Variants in GULP1 observed in about 807,000 individuals in gnomAD.
GULP1 encodes PTB domain-containing engulfment adapter protein 1.
GULP1 carries 19 observed loss-of-function variants against 40.9 expected under a neutral mutation model. The observed-to-expected ratio is 0.46, with a 90% confidence interval of 0.32 to 0.68. GULP1 has a LOEUF of 0.68. Among genes scored for constraint, GULP1 ranks in the 30% least tolerant of loss-of-function variants. GULP1 has a pLI of 0.03. For missense variants in GULP1, 312 were observed against 362.2 expected (o/e 0.86, Z 1.12); for synonymous variants, 119 against 117.6 (o/e 1.01, Z -0.08).
At chr2:188,310,511 C>T (rs759453587) in intron 1 of GULP1, among the ~76,000 whole-genome samples, 1 of 152,056 alleles carries the variant, frequency 6.6e-6, no homozygotes, top group Non-Finnish European at 1.5e-5. Flanking sequence ...CAGTAAAATT[C>T]ACCAAGACAA....
chr2:188,521,622 A>G (rs1310137660), intron 4 of GULP1, among the ~76,000 whole-genome samples: 1 of 152,146 alleles, frequency 6.6e-6, no homozygotes. Flanking sequence ...ACTTACTATC[A>G]TGAGACCGGC....
intron 2 of GULP1, among the ~76,000 whole-genome samples, chr2:188,408,785 A>T (rs555922270): frequency 6.6e-6 from 1 of 152,358 alleles, no homozygotes; most frequent in African/African-American, 2.4e-5. Flanking sequence ...ACAAGTGATA[A>T]CAAATTTAAG....
intron 4 of GULP1, among the ~76,000 whole-genome samples, chr2:188,521,100 T>C (rs2065723999): frequency 6.6e-6 from 1 of 152,020 alleles, no homozygotes; most frequent in Non-Finnish European, 1.5e-5. Flanking sequence ...AATTCGTGAA[T>C]CTCTTTGGTC....
In GULP1 at chr2:188,506,752, G is replaced by A. The variant is rs143690522; in HGVS notation, c.91-16004G>A. On this transcript the variant is annotated intron_variant, in intron 4 of 11. Coordinates refer to ENST00000409830, the MANE Select transcript of GULP1 (RefSeq NM_016315.4). Reference sequence around the variant, plus strand: ...AAAGTTTGACCTTGTTATTCAGTAAGTAGTCAGTCCTTGAGGACAATAACA... The same window carrying A: ...AAAGTTTGACCTTGTTATTCAGTAAATAGTCAGTCCTTGAGGACAATAACA... Among the ~76,000 whole-genome samples the A allele has an allele frequency of 4.2e-3, 632 of 152,130 alleles. 5 individuals carry two copies. The highest frequency in any genetic ancestry group is 0.014 in the Middle Eastern group (4 of 294).
At chr2:188,418,071 C>T (rs1290621319) in intron 2 of GULP1, among the ~76,000 whole-genome samples, 1 of 151,894 alleles carries the variant, frequency 6.6e-6, no homozygotes, top group Non-Finnish European at 1.5e-5. Context: ...GCCTTGCCCT[C>T]CTATAGTTTT....
chr2:188,525,678 A>C (rs13012546), intron 5 of GULP1, among the ~76,000 whole-genome samples: 1 of 152,306 alleles, frequency 6.6e-6, no homozygotes, highest in South Asian at 2.1e-4. Context: ...CCTGGAACCC[A>C]GTTTTAGACT....
intron 4 of GULP1, among the ~76,000 whole-genome samples, chr2:188,516,557 C>G (rs745659159): frequency 6.6e-6 from 1 of 151,894 alleles, no homozygotes; most frequent in African/African-American, 2.4e-5. Context: ...GTGTTCTATC[C>G]TTTAGTTTTT....
intron 1 of GULP1, among the ~76,000 whole-genome samples, chr2:188,328,026 T>G (rs938378299): frequency 6.6e-6 from 1 of 152,054 alleles, no homozygotes; most frequent in African/African-American, 2.4e-5. Flanking sequence ...CATTTTGTAA[T>G]ATGTATGTGT....
intron 3 of GULP1, among the ~76,000 whole-genome samples, chr2:188,478,048 A>G (rs2061161019): frequency 6.6e-6 from 1 of 152,136 alleles, no homozygotes; most frequent in Non-Finnish European, 1.5e-5. Flanking sequence ...TTATGTAGCC[A>G]TATAATACTA....
chr2:188,388,407 A>G (rs530268790), intron 2 of GULP1, among the ~76,000 whole-genome samples: 82 of 149,686 alleles, frequency 5.5e-4, no homozygotes, highest in Non-Finnish European at 9.6e-4. Flanking sequence ...GCCAGACAGG[A>G]TGGTGTATAC....
chr2:188,332,009 CAG>C (rs1186652006), intron 1 of GULP1, among the ~76,000 whole-genome samples: 4 of 152,036 alleles, frequency 2.6e-5, no homozygotes, highest in Non-Finnish European at 5.9e-5. Flanking sequence ...GCAAGGATGA[CAG>C]AGATGTAGCT....
intron 1 of GULP1, among the ~76,000 whole-genome samples, chr2:188,334,704 G>T (rs2042041036): frequency 6.6e-6 from 1 of 152,202 alleles, no homozygotes; most frequent in Non-Finnish European, 1.5e-5. Context: ...ATTGTAAACA[G>T]ATCTCTAGGC....
chr2:188,522,324 A>C (rs572162495), intron 4 of GULP1, among the ~76,000 whole-genome samples: 1 of 152,230 alleles, frequency 6.6e-6, no homozygotes, highest in Non-Finnish European at 1.5e-5. Context: ...GACGTGAGAA[A>C]AAAAAGAAAT....
chr2:188,454,472 G>C lies in GULP1; in HGVS notation c.-44-23187G>C, dbSNP rs150037577. On this transcript the variant is annotated intron_variant, in intron 2 of 11. Coordinates refer to ENST00000409830, the MANE Select transcript of GULP1 (RefSeq NM_016315.4). ...ATAGGTGAACAGTGGGGATCAATCA[G>C]AGGAAAGCATGCCAGACAGGAAGAC... Among the ~76,000 whole-genome samples, 1,183 of 152,342 alleles carry C rather than the reference G, an allele frequency of 7.8e-3. 9 individuals are homozygous for C. The highest frequency in any genetic ancestry group is 0.011 in the Admixed American group (176 of 15,308).
At chr2:188,391,804 G>A (rs149464977) in intron 2 of GULP1, among the ~76,000 whole-genome samples, 3 of 151,732 alleles carry the variant, frequency 2.0e-5, no homozygotes, top group East Asian at 1.9e-4. Flanking sequence ...GTTTTTTGAG[G>A]GTTTTTACCA....
chr2:188,428,219 T>G (rs927325346), intron 2 of GULP1, among the ~76,000 whole-genome samples: 5 of 152,242 alleles, frequency 3.3e-5, no homozygotes, highest in African/African-American at 1.2e-4. Context: ...AACTTGCTTT[T>G]GATTTTACAG....
chr2:188,390,586 T>C (rs2152546068), intron 2 of GULP1, among the ~76,000 whole-genome samples: 1 of 152,322 alleles, frequency 6.6e-6, no homozygotes, highest in East Asian at 1.9e-4. Context: ...CTGTTGATTA[T>C]TTCTTTTGCT....
intron 1 of GULP1, among the ~76,000 whole-genome samples, chr2:188,346,919 C>T (rs898847932): frequency 2.7e-5 from 4 of 149,856 alleles, no homozygotes; most frequent in East Asian, 2.0e-4. Context: ...TGCAGTGAGC[C>T]GAGATCGTGC....
intron 7 of GULP1, among the ~76,000 whole-genome samples, chr2:188,566,171 A>G (rs546627941): frequency 5.3e-5 from 8 of 152,216 alleles, no homozygotes; most frequent in African/African-American, 1.9e-4. Flanking sequence ...CACCTCCAAA[A>G]ATGTGATGGT....
Sources: gnomAD v4.1 joint callset for allele counts (sites outside exome capture counted in the v4.1 genomes callset) on GRCh38, gnomAD v4.1.1 for gene constraint, MANE v1.5 for transcripts, NCBI Gene and HGNC (gene_info 2026-07-23, HGNC 2026-07-21) for gene names.